The following PIWIL2 variants were observed in gnomAD, a reference collection of about 807,000 sequenced individuals.
PIWIL2 encodes piwi-like protein 2.
A neutral mutation model predicts 116.5 loss-of-function variants in PIWIL2; 81 were observed. That is an observed-to-expected ratio of 0.70 (90% CI 0.58 to 0.84). PIWIL2 has a LOEUF of 0.84. PIWIL2 is among the 40% of genes least tolerant of loss of function. PIWIL2 has a pLI of 0.00. For synonymous variants in PIWIL2, 489 were observed against 429.5 expected (o/e 1.14, Z -1.71); for missense variants, 1,272 against 1,212.3 (o/e 1.05, Z -0.73).
At position 22,355,410 on chromosome 8, in the gene PIWIL2, C is replaced by T. The variant is rs1192893650; in HGVS notation, c.2827C>T (p.Pro943Ser). 1 of 1,614,040 alleles carries T rather than the reference C, an allele frequency of 6.2e-7. No individual in the cohort carries two copies. The highest frequency in any genetic ancestry group is 1.3e-5 in the African/African-American group (1 of 74,920). The change falls in exon 23 of 23, where the codon CCT becomes TCT. Residue 943 changes from proline to serine, a missense_variant. Physicochemically the swap from Pro to Ser is moderately conservative, Grantham distance 74 (BLOSUM62 -1). Coordinates refer to ENST00000356766, the MANE Select transcript of PIWIL2 (RefSeq NM_018068.5). ...NWPGTIRVPA[P>S]CKYAHKLAFL... ...GCCTGGCACCATCAGAGTTCCAGCT[C>T]CTTGCAAGTATGCCCACAAGCTAGC...
At chr8:22,295,111 A>T (rs1830866901) in intron 10 of PIWIL2, among the ~76,000 whole-genome samples, 1 of 151,958 alleles carries the variant, frequency 6.6e-6, no homozygotes, top group South Asian at 2.1e-4. Flanking sequence ...TTTTCTCCAC[A>T]GTTATCTTGG....
chr8:22,291,135 AT>A (rs999774349), intron 10 of PIWIL2, among the ~76,000 whole-genome samples: 8 of 147,652 alleles, frequency 5.4e-5, no homozygotes, highest in Non-Finnish European at 7.5e-5. Context: ...TGTCCGGCTA[AT>A]TTTTTTTTCT....
intron 4 of PIWIL2, among the ~76,000 whole-genome samples, chr8:22,282,599 T>G (rs1271391158): frequency 4.0e-5 from 6 of 148,396 alleles, no homozygotes; most frequent in African/African-American, 7.4e-5. Flanking sequence ...ATATGTTGTG[T>G]TTTTTTTTTG....
Position 22,355,844 on chromosome 8 carries a change from C to T in PIWIL2, c.*339C>T, listed in dbSNP as rs1832478642. The T allele has an allele frequency of 1.2e-5, 3 of 242,390 alleles. No individual in the cohort carries two copies. Among genetic ancestry groups the T allele is most frequent in the African/African-American group, 2.2e-5 (1 of 45,724 alleles). The allele number at this position is 242,390 out of a possible 1,614,324, so 15.0% of individuals were successfully genotyped here. ...ATCCAAGCACTTTGGGAGGCCGAGG[C>T]GGGTGGATCATGAGGTCAGGAGATC... is the stretch of plus-strand genomic sequence containing the variant. On this transcript the variant is annotated 3_prime_UTR_variant, in exon 23 of 23. Coordinates refer to ENST00000356766, the MANE Select transcript of PIWIL2 (RefSeq NM_018068.5).
chr8:22,321,924 C>T (rs549296933), intron 20 of PIWIL2: 29 of 985,148 alleles, frequency 2.9e-5, no homozygotes, highest in Admixed American at 1.2e-4. Context: ...TTTTGCATCA[C>T]GGCTCGCTAG....
chr8:22,315,392 C>T (rs990835747), intron 18 of PIWIL2, among the ~76,000 whole-genome samples: 1 of 152,312 alleles, frequency 6.6e-6, no homozygotes, highest in South Asian at 2.1e-4. Context: ...TCTTGGCTCA[C>T]TGCAACGTCC....
intron 7 of PIWIL2, among the ~76,000 whole-genome samples, 162 bp downstream of exon 7, chr8:22,287,807 C>A (rs1830664595): frequency 6.6e-6 from 1 of 152,124 alleles, no homozygotes; most frequent in Non-Finnish European, 1.5e-5. Flanking sequence ...CTTCACCTGG[C>A]CCAGGACTGG....
At chr8:22,280,104 G>A (rs1415296407) in intron 2 of PIWIL2, among the ~76,000 whole-genome samples, 2 of 152,100 alleles carry the variant, frequency 1.3e-5, no homozygotes, top group Non-Finnish European at 2.9e-5. Context: ...CATAATGAGC[G>A]CTAGATGGAC....
chr8:22,321,858 C>G (rs1408202975), intron 20 of PIWIL2: 1 of 985,002 alleles, frequency 1.0e-6, no homozygotes, highest in African/African-American at 1.7e-5. Flanking sequence ...ATGGCAGTAA[C>G]CACCGGAAGT....
rs568232526 is a variant in PIWIL2, at chr8:22,330,431, G to A, written c.2403+12156G>A. 2.6e-5 allele frequency among the ~76,000 whole-genome samples: 4 copies of A among 152,224 alleles called. No homozygotes were observed. In the East Asian group the frequency reaches 7.7e-4, roughly 29 times the overall value. ...ATAGTTGATATAGCCGGGCGTGGTG[G>A]CTCACGCCTATAATCCCAGTACTTT... On this transcript the variant is annotated intron_variant, in intron 20 of 22. Transcript: ENST00000356766.
At chr8:22,275,420 G>C (rs1240376297) in intron 1 of PIWIL2, 22 bp downstream of exon 1, 1 of 152,410 alleles carries the variant, frequency 6.6e-6, no homozygotes, top group Non-Finnish European at 1.5e-5. Flanking sequence ...CCCCGGTTGC[G>C]GCATGCCAGG....
intron 2 of PIWIL2, 108 bp downstream of exon 2, chr8:22,279,692 C>T (rs1301491011): frequency 2.9e-6 from 3 of 1,026,480 alleles, no homozygotes; most frequent in African/African-American, 1.6e-5. Context: ...GTGGCTCACG[C>T]CTGTAATCCC....
chr8:22,296,805 A>G (rs1449188365), intron 10 of PIWIL2, among the ~76,000 whole-genome samples: 1 of 151,936 alleles, frequency 6.6e-6, no homozygotes, highest in Non-Finnish European at 1.5e-5. Context: ...ATATGAGATT[A>G]TTTTCCCTTT....
chr8:22,306,997 T>G (rs1831197882), intron 13 of PIWIL2, among the ~76,000 whole-genome samples: 2 of 152,194 alleles, frequency 1.3e-5, no homozygotes, highest in Non-Finnish European at 2.9e-5. Context: ...TCAACAATAT[T>G]TAGCAAGTAC....
intron 3 of PIWIL2, 32 bp downstream of exon 3, chr8:22,281,239 G>T: frequency 6.4e-7 from 1 of 1,557,978 alleles, no homozygotes. Flanking sequence ...GAAATTTGGT[G>T]GTATGTATGA....
At chr8:22,328,095 A>G (rs958576901) in intron 20 of PIWIL2, among the ~76,000 whole-genome samples, 1 of 152,038 alleles carries the variant, frequency 6.6e-6, no homozygotes, top group Non-Finnish European at 1.5e-5. Context: ...ACTCTTACAT[A>G]TAAGTCACTG....
In PIWIL2 at chr8:22,279,599, G is replaced by T; in HGVS notation, c.198+15G>T. The T allele has an allele frequency of 6.2e-7, 1 of 1,608,438 alleles. No homozygotes were observed. Among genetic ancestry groups the T allele is most frequent in the Non-Finnish European group, 8.5e-7 (1 of 1,174,972 alleles). ...CAGCACAAAGGGTAAGACCACTTCC[G>T]GATGCATAGGAGTGGCATACAGCTT... is the stretch of plus-strand genomic sequence containing the variant. On this transcript the variant is annotated intron_variant, in intron 2 of 22. Transcript: ENST00000356766.
chr8:22,285,633 C>A (rs1384008310), intron 6 of PIWIL2, among the ~76,000 whole-genome samples: 1 of 151,912 alleles, frequency 6.6e-6, no homozygotes, highest in Non-Finnish European at 1.5e-5. Flanking sequence ...TAAGAAACTT[C>A]CATACTATTT....
chr8:22,327,151 C>G (rs1435193922), intron 20 of PIWIL2, among the ~76,000 whole-genome samples: 1 of 150,738 alleles, frequency 6.6e-6, no homozygotes, highest in African/African-American at 2.4e-5. Context: ...TCTCAGCGTC[C>G]TGAGTAGCTG....
Sources: allele counts gnomAD v4.1 joint callset (sites outside exome capture counted in the v4.1 genomes callset), GRCh38; gene constraint gnomAD v4.1.1; transcripts MANE v1.5; gene names NCBI Gene and HGNC (gene_info 2026-07-23, HGNC 2026-07-21).